Variants in SPATA31A6 observed in about 807,000 individuals in gnomAD.
The protein encoded by SPATA31A6 is spermatogenesis-associated protein 31A6.
SPATA31A6 carries 9 observed loss-of-function variants against 11.9 expected under a neutral mutation model. The ratio of observed to expected loss-of-function variants is 0.76; its 90% CI spans 0.46 to 1.32. The LOEUF (loss-of-function observed/expected upper bound fraction) is 1.32, where lower values mean the gene tolerates loss of function less well. Ranked by LOEUF, SPATA31A6 falls within the 40% of genes most tolerant of loss-of-function variation. SPATA31A6 has a pLI of 0.00. For missense variants in SPATA31A6, 855 were observed against 1,467.3 expected (o/e 0.58, Z 6.82); for synonymous variants, 314 against 572.1 (o/e 0.55, Z 6.44).
chr9:42,184,813 C>A (rs1240899170), intron 1 of SPATA31A6, among the ~76,000 whole-genome samples: 2 of 137,562 alleles, frequency 1.5e-5, no homozygotes, highest in Non-Finnish European at 3.1e-5. Context: ...TAGGCGTGAG[C>A]CACCACGCCC....
At position 42,189,176 on chromosome 9, in the gene SPATA31A6, C is replaced by T. The variant is rs747824223; in HGVS notation, c.3474C>T (p.His1158=). 1 of 1,544,080 alleles carries T rather than the reference C, an allele frequency of 6.5e-7. No individual in the cohort carries two copies. The highest frequency in any genetic ancestry group is 8.8e-7 in the Non-Finnish European group (1 of 1,138,486). The change falls in exon 4 of 4, where the codon CAC becomes CAT. Residue 1158 remains histidine, a synonymous_variant. Coordinates refer to ENST00000332857, the MANE Select transcript of SPATA31A6 (RefSeq NM_001145196.1). ...AGAAACAGCCTCCTTCAGTAAGCCACTTTGGAGAAAACATCAAGCAATTTT... is the reference window on the plus strand; with the variant it reads ...AGAAACAGCCTCCTTCAGTAAGCCATTTTGGAGAAAACATCAAGCAATTTT... ...PSKKQPPSVS[H]FGENIKQFFQ...
rs1471676805 is a variant in SPATA31A6, at chr9:42,186,858, G to A, written c.1156G>A (p.Gly386Arg). 3 of 1,535,982 alleles carry A rather than the reference G, an allele frequency of 2.0e-6. 1 individual carries two copies. Among genetic ancestry groups the A allele is most frequent in the Non-Finnish European group, 2.6e-6 (3 of 1,142,302 alleles). Reference sequence around the variant, plus strand: ...AAACCCAAAACCCTTCTGGAACATGGGAGAGAACTCGAAACAGCTGCCCGG... The same window carrying A: ...AAACCCAAAACCCTTCTGGAACATGAGAGAGAACTCGAAACAGCTGCCCGG... Reference protein sequence around the residue: ...TTNPKPFWNMGENSKQLPGPQ... With the variant: ...TTNPKPFWNMRENSKQLPGPQ... Residue 386 changes from glycine to arginine, a missense_variant, in exon 4 of 4, where the codon GGA (glycine) becomes AGA (arginine). Coordinates refer to ENST00000332857, the MANE Select transcript of SPATA31A6 (RefSeq NM_001145196.1).
Position 42,187,125 on chromosome 9 carries a change from C to A in SPATA31A6, c.1423C>A (p.Arg475Ser). 7 of 1,537,782 alleles carry A rather than the reference C, an allele frequency of 4.6e-6. 1 individual carries two copies. The South Asian group carries it at 5.9e-5, about 13-fold the overall frequency. Residue 475 changes from arginine (R) to serine (S), a missense_variant, in exon 4 of 4, where the codon CGC becomes AGC. By Grantham distance (110) the Arg-to-Ser change is moderately radical. Transcript: ENST00000332857. ...LLFQAQPLSH[R>S]QPFISSTPQF... The stretch of plus-strand genomic sequence containing the variant: ...TTTCCAGGCCCAGCCCCTGTCCCAC[C>A]GCCAACCCTTTATTTCATCCACACC...
intron 1 of SPATA31A6, among the ~76,000 whole-genome samples, chr9:42,184,198 C>A (rs1227961074): frequency 7.3e-6 from 1 of 137,674 alleles, no homozygotes; most frequent in Non-Finnish European, 1.6e-5. Context: ...TGAGCCCTGG[C>A]TCATCAGCCC....
At position 42,183,719 on chromosome 9, in the gene SPATA31A6, T is replaced by G. The variant is rs565157634; in HGVS notation, c.32T>G (p.Leu11Arg). 1.6e-4 allele frequency: 245 copies of G among 1,536,348 alleles called. 53 individuals carry two copies. The African/African-American group carries it at 3.2e-3, about 20-fold the overall frequency. The part of the protein sequence containing the change: MENLPFPLKL[L>R]SASSLNAPSS... Reference sequence around the variant, plus strand: ...AATCTTCCCTTTCCTTTAAAATTACTTAGTGCCTCATCGCTAAACGCCCCC... The same window carrying G: ...AATCTTCCCTTTCCTTTAAAATTACGTAGTGCCTCATCGCTAAACGCCCCC... Residue 11 changes from leucine (L) to arginine (R), a missense_variant, in exon 1 of 4, where the codon CTT (leucine) becomes CGT (arginine). By Grantham distance (102) the Leu-to-Arg change is moderately radical. Transcript: ENST00000332857.
rs1214919119 is a variant in SPATA31A6, at chr9:42,186,978, T to C, written c.1276T>C (p.Ser426Pro). ...FWGLPSLHSE[S>P]LVANAWVTDR... ...GGGCCTCCCCTCTCTGCACAGCGAG[T>C]CCCTGGTGGCTAACGCCTGGGTAAC... is the stretch of plus-strand genomic sequence containing the variant. The change falls in exon 4 of 4, where the codon TCC (serine) becomes CCC (proline). Residue 426 changes from serine to proline, a missense_variant. Coordinates refer to ENST00000332857, the MANE Select transcript of SPATA31A6 (RefSeq NM_001145196.1). 2 of 1,545,208 alleles carry C rather than the reference T, an allele frequency of 1.3e-6. No individual in the cohort carries two copies. The highest frequency in any genetic ancestry group is 1.7e-5 in the Admixed American group (1 of 57,218).
chr9:42,188,975 C>A lies in SPATA31A6; in HGVS notation c.3273C>A (p.Gly1091=). 1 of 1,547,798 alleles carries A rather than the reference C, an allele frequency of 6.5e-7. No homozygotes were observed. Among genetic ancestry groups the A allele is most frequent in the Non-Finnish European group, 8.8e-7 (1 of 1,141,488 alleles). The part of the protein sequence containing the change: ...QEEPRNPNCQ[G]SCKSQRPMFP... ...AGCCCAGAAACCCAAACTGTCAAGG[C>A]TCATGCAAGAGCCAAAGGCCAATGT... Residue 1091 remains glycine, a synonymous_variant, in exon 4 of 4, where the codon GGC becomes GGA. Coordinates refer to ENST00000332857, the MANE Select transcript of SPATA31A6 (RefSeq NM_001145196.1).
Position 42,187,172 on chromosome 9 carries a change from G to A in SPATA31A6, c.1470G>A (p.Met490Ile). Residue 490 changes from methionine to isoleucine, a missense_variant, in exon 4 of 4, where the codon ATG (methionine) becomes ATA (isoleucine). Met to Ile is a conservative substitution (Grantham distance 10, BLOSUM62 1). Transcript: ENST00000332857. ...SSTPQFLPTP[M>I]AQAEAQAHLQ... Reference sequence around the variant, plus strand: ...CACCCCAATTCCTGCCCACACCTATGGCTCAGGCCGAGGCTCAGGCCCATC... The same window carrying A: ...CACCCCAATTCCTGCCCACACCTATAGCTCAGGCCGAGGCTCAGGCCCATC... 5 of 1,542,844 alleles carry A rather than the reference G, an allele frequency of 3.2e-6. 1 individual carries two copies. Among genetic ancestry groups the A allele is most frequent in the South Asian group, 1.2e-5 (1 of 86,456 alleles).
intron 1 of SPATA31A6, among the ~76,000 whole-genome samples, chr9:42,184,384 A>G (rs1365814553): frequency 7.7e-6 from 1 of 130,434 alleles, no homozygotes; most frequent in Non-Finnish European, 1.6e-5. Context: ...GTGTTCCTGG[A>G]GCAGAGGAAC....
In SPATA31A6 at chr9:42,185,694, G is replaced by T; in HGVS notation, c.248-1G>T. Reference sequence around the variant, plus strand: ...CCCTAACCCAGTCTCCTGATTTCCAGCTGGTAGAGAGTGCCCGAGAGGCCT... The same window carrying T: ...CCCTAACCCAGTCTCCTGATTTCCATCTGGTAGAGAGTGCCCGAGAGGCCT... On this transcript the variant is annotated splice_acceptor_variant, in intron 2 of 3. Transcript: ENST00000332857. LOFTEE classifies it high-confidence loss of function. The T allele has an allele frequency of 6.9e-7, 1 of 1,458,238 alleles. No homozygotes were observed. 90.3% of individuals were successfully genotyped at this position (1,458,238 alleles called of 1,614,324 possible).
chr9:42,184,899 G>A, intron 1 of SPATA31A6, 170 bp from the exon 2 acceptor site: 1 of 786,734 alleles, frequency 1.3e-6, no homozygotes, highest in Non-Finnish European at 1.5e-6. Flanking sequence ...GAAGCACACA[G>A]AGCTCCCTGA....
In SPATA31A6 at chr9:42,186,690, A is replaced by G. The variant is rs766922396; in HGVS notation, c.988A>G (p.Ile330Val). The change falls in exon 4 of 4, where the codon ATA (isoleucine) becomes GTA (valine). Residue 330 changes from isoleucine to valine, a missense_variant. Ile to Val is a conservative substitution (Grantham distance 29). Coordinates refer to ENST00000332857, the MANE Select transcript of SPATA31A6 (RefSeq NM_001145196.1). ...LSSDGQNVVGIQVTETAKVNI... is the reference protein window; with the variant it reads ...LSSDGQNVVGVQVTETAKVNI... Reference sequence around the variant, plus strand: ...CTCTGATGGCCAGAATGTCGTGGGGATACAAGTCACAGAAACAGCCAAGGT... The same window carrying G: ...CTCTGATGGCCAGAATGTCGTGGGGGTACAAGTCACAGAAACAGCCAAGGT... 6 of 1,531,582 alleles carry G rather than the reference A, an allele frequency of 3.9e-6. 2 individuals carry two copies. The East Asian group carries it at 1.4e-4, about 36-fold the overall frequency. The allele number at this position is 1,531,582 out of a possible 1,614,324, so 94.9% of individuals were successfully genotyped here.
chr9:42,187,420 C>T lies in SPATA31A6; in HGVS notation c.1718C>T (p.Pro573Leu), dbSNP rs1221776004. Residue 573 changes from proline to leucine, a missense_variant, in exon 4 of 4, where the codon CCC (proline) becomes CTC (leucine). Pro to Leu is a moderately conservative substitution (Grantham distance 98). Transcript: ENST00000332857. ...TTTAGTGTCTCCACTCCTAACCTTC[C>T]CCAGGAAAGTTTGACATCCATTCTG... is the stretch of plus-strand genomic sequence containing the variant. The part of the protein sequence containing the change: ...DVFSVSTPNL[P>L]QESLTSILPE... 1.3e-6 allele frequency: 2 copies of T among 1,526,724 alleles called. No individual in the cohort carries two copies. The highest frequency in any genetic ancestry group is 1.8e-6 in the Non-Finnish European group (2 of 1,134,234). 94.6% of individuals were successfully genotyped at this position (1,526,724 alleles called of 1,614,324 possible). A position where few individuals can be genotyped will look rare whatever the true frequency, so the allele number is the denominator to read the frequency against.
At chr9:42,185,294 A>T (rs963916716) in intron 2 of SPATA31A6, 168 bp downstream of exon 2, 1 of 958,002 alleles carries the variant, frequency 1.0e-6, no homozygotes. Flanking sequence ...ATGGTGGGCC[A>T]GGGACTGGGC....
rs201086833 is a variant in SPATA31A6 at position 42,187,119 on chromosome 9, T to A, written c.1417T>A (p.Ser473Thr). ...ACTGCTTTTCCAGGCCCAGCCCCTG[T>A]CCCACCGCCAACCCTTTATTTCATC... Reference protein sequence around the residue: ...SPLLFQAQPLSHRQPFISSTP... With the variant: ...SPLLFQAQPLTHRQPFISSTP... Residue 473 changes from serine (S) to threonine (T), a missense_variant, in exon 4 of 4, where the codon TCC becomes ACC. Coordinates refer to ENST00000332857, the MANE Select transcript of SPATA31A6 (RefSeq NM_001145196.1). The A allele has an allele frequency of 2.1e-3, 3,244 of 1,539,076 alleles. 396 individuals carry two copies. Among genetic ancestry groups the A allele is most frequent in the Non-Finnish European group, 2.7e-3 (3,088 of 1,137,126 alleles).
Position 42,188,709 on chromosome 9 carries a change from G to C in SPATA31A6, c.3007G>C (p.Glu1003Gln). 7.5e-7 allele frequency: 1 copy of C among 1,336,116 alleles called. No homozygotes were observed. Among genetic ancestry groups the C allele is most frequent in the Non-Finnish European group, 1.0e-6 (1 of 996,806 alleles). 82.8% of individuals were successfully genotyped at this position (1,336,116 alleles called of 1,614,324 possible). A position where few individuals can be genotyped will look rare whatever the true frequency, so the allele number is the denominator to read the frequency against. Residue 1003 changes from glutamate to glutamine, a missense_variant, in exon 4 of 4, where the codon GAG becomes CAG. Transcript: ENST00000332857. The part of the protein sequence containing the change: ...SQDPRKLCLM[E>Q]EVVSEFEPGM... ...AGATCCAAGAAAGCTGTGTCTTATG[G>C]AGGAGGTTGTTAGTGAATTTGAGCC...
chr9:42,184,217 G>A (rs2257477), intron 1 of SPATA31A6, among the ~76,000 whole-genome samples: 2 of 130,890 alleles, frequency 1.5e-5, no homozygotes, highest in African/African-American at 3.1e-5. Flanking sequence ...CCCTTTCTGG[G>A]GCAGGTGGCT....
chr9:42,187,057 A>T lies in SPATA31A6; in HGVS notation c.1355A>T (p.Asn452Ile), dbSNP rs1829470665. 1 of 1,545,910 alleles carries T rather than the reference A, an allele frequency of 6.5e-7. No homozygotes were observed. Among genetic ancestry groups the T allele is most frequent in the Non-Finnish European group, 8.8e-7 (1 of 1,140,702 alleles). The change falls in exon 4 of 4, where the codon AAT (asparagine) becomes ATT (isoleucine). Residue 452 changes from asparagine (N) to isoleucine (I), a missense_variant. By Grantham distance (149) the Asn-to-Ile change is moderately radical. Transcript: ENST00000332857. Reference sequence around the variant, plus strand: ...CCTTTCTTGTTCAATGAAATGTCCAATGTCTGCCCAATTCAAAGGGAGACT... The same window carrying T: ...CCTTTCTTGTTCAATGAAATGTCCATTGTCTGCCCAATTCAAAGGGAGACT... ...SPPFLFNEMS[N>I]VCPIQRETTM...
Position 42,189,515 on chromosome 9 carries a change from C to A in SPATA31A6, c.3813C>A (p.Ser1271Arg). 1.9e-6 allele frequency: 3 copies of A among 1,564,048 alleles called. 1 individual carries two copies. In the South Asian group the frequency reaches 3.4e-5, roughly 18 times the overall value. Residue 1271 changes from serine to arginine, a missense_variant, in exon 4 of 4, where the codon AGC becomes AGA. By Grantham distance (110) the Ser-to-Arg change is moderately radical (BLOSUM62 -1). Transcript: ENST00000332857. ...GCAGTCAACAAGCCACTCTCAAGAG[C>A]CAGGGTTGTCCCAACAGAGACAGGC... ...AASSQQATLK[S>R]QGCPNRDRQI...
Sources: allele counts gnomAD v4.1 joint callset (sites outside exome capture counted in the v4.1 genomes callset), GRCh38; gene constraint gnomAD v4.1.1; transcripts MANE v1.5; gene names NCBI Gene and HGNC (gene_info 2026-07-23, HGNC 2026-07-21).